Variants in LARGE1 observed in about 807,000 individuals in gnomAD.
LARGE1 encodes the protein xylosyl- and glucuronyltransferase LARGE1.
A neutral mutation model predicts 87.6 loss-of-function variants in LARGE1; 43 were observed. That is an observed-to-expected ratio of 0.49 (90% confidence interval 0.38 to 0.63). The LOEUF (loss-of-function observed/expected upper bound fraction) is 0.63. Ranked by LOEUF, LARGE1 falls within the 30% of genes least tolerant of loss-of-function variation. LARGE1 has a pLI of 0.00. For missense variants in LARGE1, 802 were observed against 1,000.2 expected (o/e 0.80, Z 2.67); for synonymous variants, 434 against 394.6 (o/e 1.10, Z -1.18).
At position 33,397,177 on chromosome 22, in the gene LARGE1, T is replaced by G. The variant is rs5998915; in HGVS notation, c.893-12873A>C. ...GTTGCCCAGGCTGGAGTACAATGGC[T>G]CGATCTCTTTTCACCGCAACCTCTG... On this transcript the variant is annotated intron_variant, in intron 7 of 14. Coordinates refer to ENST00000397394, the MANE Select transcript of LARGE1 (RefSeq NM_133642.5). Among the ~76,000 whole-genome samples the G allele has an allele frequency of 8.9e-3, 1,355 of 152,192 alleles. 21 individuals are homozygous for G. The highest frequency in any genetic ancestry group is 0.031 in the African/African-American group (1,283 of 41,544).
At chr22:33,637,433 G>A (rs1048442060) in intron 3 of LARGE1, among the ~76,000 whole-genome samples, 5 of 152,130 alleles carry the variant, frequency 3.3e-5, no homozygotes, top group Non-Finnish European at 5.9e-5. Flanking sequence ...GCCATGGTGT[G>A]GTAGCCAGCC....
chr22:33,148,510 C>T, the LARGE1 span, among the ~76,000 whole-genome samples: 1 of 152,164 alleles, frequency 6.6e-6, no homozygotes, highest in South Asian at 2.1e-4. Flanking sequence ...AAGTTTGGGG[C>T]TATAACAAAT....
chr22:33,644,698 G>C (rs926720891), intron 3 of LARGE1, among the ~76,000 whole-genome samples: 1 of 152,168 alleles, frequency 6.6e-6, no homozygotes, highest in African/African-American at 2.4e-5. Context: ...AAGCTGATAA[G>C]CAACTTCAGC....
chr22:33,217,168 G>A (rs188182805), intron 11 of LARGE1, among the ~76,000 whole-genome samples: 77 of 150,462 alleles, frequency 5.1e-4, no homozygotes, highest in African/African-American at 1.7e-3. Context: ...GAATCTGGAA[G>A]CAACCTAAAT....
intron 11 of LARGE1, among the ~76,000 whole-genome samples, chr22:33,198,791 A>G (rs951583094): frequency 6.6e-6 from 1 of 152,186 alleles, no homozygotes; most frequent in Non-Finnish European, 1.5e-5. Flanking sequence ...GCTATTGTGA[A>G]TAGTGCTGTG....
At chr22:33,496,670 C>T (rs550251969) in intron 6 of LARGE1, among the ~76,000 whole-genome samples, 105 of 152,304 alleles carry the variant, frequency 6.9e-4, no homozygotes, top group African/African-American at 2.3e-3. Flanking sequence ...TCTTCTTTTC[C>T]GGCCAATGAA....
intron 9 of LARGE1, among the ~76,000 whole-genome samples, chr22:33,366,763 C>G (rs1306331507): frequency 6.6e-6 from 1 of 152,138 alleles, no homozygotes; most frequent in Non-Finnish European, 1.5e-5. Flanking sequence ...TACCTAGTTT[C>G]AGTCTCGAGT....
intron 6 of LARGE1, among the ~76,000 whole-genome samples, chr22:33,443,014 G>A (rs1250218608): frequency 6.6e-6 from 1 of 152,000 alleles, no homozygotes; most frequent in Admixed American, 6.6e-5. Context: ...GGATGGTCTC[G>A]ATCTCTTGAC....
At chr22:33,540,255 C>T (rs1368441888) in intron 6 of LARGE1, among the ~76,000 whole-genome samples, 1 of 152,218 alleles carries the variant, frequency 6.6e-6, no homozygotes, top group Non-Finnish European at 1.5e-5. Flanking sequence ...ATGTGAACCT[C>T]CATTCTGTGA....
At chr22:33,121,806 C>T in the LARGE1 span, among the ~76,000 whole-genome samples, 1 of 152,130 alleles carries the variant, frequency 6.6e-6, no homozygotes, top group Non-Finnish European at 1.5e-5. Context: ...CTGGGGAGGC[C>T]TCACTCATGG....
the LARGE1 span, among the ~76,000 whole-genome samples, chr22:33,136,516 ATT>A: frequency 3.9e-5 from 6 of 152,190 alleles, no homozygotes; most frequent in African/African-American, 1.4e-4. Flanking sequence ...TCAAGATGAG[ATT>A]TGGGTGGGGC....
At chr22:33,849,934 G>A (rs936766437) in intron 1 of LARGE1, among the ~76,000 whole-genome samples, 5 of 152,084 alleles carry the variant, frequency 3.3e-5, no homozygotes, top group African/African-American at 7.2e-5. Context: ...TAAGGTATAG[G>A]TACAGTTGTT....
intron 2 of LARGE1, among the ~76,000 whole-genome samples, chr22:33,672,116 C>T (rs1186596602): frequency 2.6e-5 from 4 of 151,972 alleles, no homozygotes; most frequent in African/African-American, 9.7e-5. Context: ...TCATGTACAC[C>T]CCTGGGTTTT....
At chr22:33,922,112 C>G (rs1014597084), upstream of LARGE1, among the ~76,000 whole-genome samples, 1 of 152,144 alleles carries the variant, frequency 6.6e-6, no homozygotes, top group Middle Eastern at 3.2e-3. Context: ...TTTGCCTTCC[C>G]TCTGCGCGCC....
At chr22:33,859,976 A>T (rs966211708) in intron 1 of LARGE1, among the ~76,000 whole-genome samples, 11 of 152,128 alleles carry the variant, frequency 7.2e-5, no homozygotes, top group African/African-American at 2.7e-4. Context: ...AGGGGAAAAT[A>T]GGGAGTTCTT....
At chr22:33,279,578 G>T (rs1013663659) in intron 13 of LARGE1, among the ~76,000 whole-genome samples, 1 of 152,230 alleles carries the variant, frequency 6.6e-6, no homozygotes, top group Non-Finnish European at 1.5e-5. Flanking sequence ...GCTGTTGGGT[G>T]AGACAGCCAG....
intron 2 of LARGE1, among the ~76,000 whole-genome samples, chr22:33,759,760 A>G (rs1478987911): frequency 6.6e-6 from 1 of 152,168 alleles, no homozygotes; most frequent in Admixed American, 6.6e-5. Context: ...GGGCTTTTCC[A>G]TGATCTCTGG....
chr22:33,887,508 G>A (rs942251126), intron 1 of LARGE1, among the ~76,000 whole-genome samples: 4 of 152,158 alleles, frequency 2.6e-5, no homozygotes, highest in African/African-American at 4.8e-5. Context: ...AGACCGAGGC[G>A]GGTGGATAAC....
chr22:33,724,671 G>C (rs772176848), intron 2 of LARGE1: 1 of 152,240 alleles, frequency 6.6e-6, no homozygotes, highest in African/African-American at 2.4e-5. Context: ...TATCAACTTT[G>C]TAACAGTCAT....
Sources: gnomAD v4.1 joint callset for allele counts (sites outside exome capture counted in the v4.1 genomes callset) on GRCh38, gnomAD v4.1.1 for gene constraint, MANE v1.5 for transcripts, NCBI Gene and HGNC (gene_info 2026-07-23, HGNC 2026-07-21) for gene names.